The following BMP6 variants were observed in gnomAD, a reference collection of about 807,000 sequenced individuals.
The protein encoded by BMP6 is bone morphogenetic protein 6.
Under a neutral mutation model 54.1 loss-of-function variants are expected in BMP6, and 17 were observed. The observed-to-expected ratio is 0.31, with a 90% CI of 0.22 to 0.47. The LOEUF (loss-of-function observed/expected upper bound fraction) is 0.47. Ranked by LOEUF, BMP6 falls within the 20% of genes least tolerant of loss-of-function variation. BMP6 has a pLI of 1.00. For synonymous variants in BMP6, 328 were observed against 291.2 expected, an observed-to-expected ratio of 1.13 and a Z score of -1.28; for missense variants, 720 against 690.4, an observed-to-expected ratio of 1.04 and a Z score of -0.48.
intron 1 of BMP6, among the ~76,000 whole-genome samples, chr6:7,832,392 G>A (rs1490602445): frequency 6.6e-6 from 1 of 152,098 alleles, no homozygotes; most frequent in East Asian, 1.9e-4. Flanking sequence ...CTGCCTCACT[G>A]CTTCCACCAT....
intron 1 of BMP6, among the ~76,000 whole-genome samples, chr6:7,822,449 C>T (rs1215367408): frequency 6.6e-6 from 1 of 152,148 alleles, no homozygotes; most frequent in Non-Finnish European, 1.5e-5. Context: ...TCTTCTTTCC[C>T]CTCTTCCCTC....
chr6:7,811,144 G>T lies in BMP6; in HGVS notation c.665-33996G>T, dbSNP rs563995742. 9.8e-5 allele frequency among the ~76,000 whole-genome samples: 15 copies of T among 152,328 alleles called. No individual in the cohort carries two copies. In the East Asian group the frequency reaches 2.7e-3, roughly 27 times the overall value. On this transcript the variant is annotated intron_variant, in intron 1 of 6. Transcript: ENST00000283147. ...AGGCTCATACTCAAGGGCATCAAAG[G>T]CCAGTGTGTAAATTGGGGCTATTCT...
At chr6:7,878,259 G>C (rs1759652863) in intron 4 of BMP6, among the ~76,000 whole-genome samples, 1 of 152,180 alleles carries the variant, frequency 6.6e-6, no homozygotes, top group Non-Finnish European at 1.5e-5. Context: ...CTGAGTTCTT[G>C]GAGGGAGGAA....
intron 1 of BMP6, among the ~76,000 whole-genome samples, chr6:7,813,351 A>T (rs1758468818): frequency 7.1e-6 from 1 of 141,082 alleles, no homozygotes; most frequent in Non-Finnish European, 1.5e-5. Context: ...GCCAGATATG[A>T]TGGCGTATAC....
intron 1 of BMP6, among the ~76,000 whole-genome samples, chr6:7,842,607 C>T (rs933730338): frequency 1.3e-5 from 2 of 152,198 alleles, no homozygotes; most frequent in South Asian, 2.1e-4. Flanking sequence ...TGAAGACTTT[C>T]GTTCTGTTGG....
At chr6:7,727,937 C>T (rs1761775897) in intron 1 of BMP6, among the ~76,000 whole-genome samples, 1 of 146,646 alleles carries the variant, frequency 6.8e-6, no homozygotes, top group East Asian at 2.0e-4. Flanking sequence ...CGCTTTTTTT[C>T]ACTTCTGCCC....
chr6:7,760,434 T>C (rs1161436751), intron 1 of BMP6, among the ~76,000 whole-genome samples: 3 of 152,126 alleles, frequency 2.0e-5, no homozygotes, highest in Non-Finnish European at 4.4e-5. Flanking sequence ...GCAAGTAGTT[T>C]AGCTCTCTTG....
In BMP6 at chr6:7,856,120, T is replaced by TAAAAAAAAAAA. The variant is rs56264814; in HGVS notation, c.858-5317_858-5307dup. Among the ~76,000 whole-genome samples the TAAAAAAAAAAA allele has an allele frequency of 6.0e-5, 5 of 83,656 alleles. 1 individual carries two copies. The highest frequency in any genetic ancestry group is 3.5e-4 in the Admixed American group (2 of 5,678). The allele number at this position is 83,656 out of a possible 152,430, so 54.9% of individuals were successfully genotyped here. On this transcript the variant is annotated intron_variant, in intron 2 of 6. Transcript: ENST00000283147. ...GAAAATTGAGTAATATCAAAGACTGTAAAAAAAAAAAAAAAAAAAAAAAAT... is the reference window on the plus strand; with the variant it reads ...GAAAATTGAGTAATATCAAAGACTGTAAAAAAAAAAAAAAAAAAAAAAAAAAAAAAAAAAAT...
rs752215261 is a variant in BMP6 at position 7,880,245 on chromosome 6, A to G, written c.1444A>G (p.Lys482Glu). 1.2e-6 allele frequency: 2 copies of G among 1,614,122 alleles called. No individual in the cohort carries two copies. The highest frequency in any genetic ancestry group is 1.1e-5 in the South Asian group (1 of 91,066). Residue 482 changes from lysine to glutamate, a missense_variant, in exon 7 of 7, where the codon AAG becomes GAG. Lys to Glu is a moderately conservative substitution (Grantham distance 56). Around this residue, in one of 3 missense-constraint regions of BMP6, gnomAD observed 43 missense variants for 54.0 expected, o/e 0.80. Transcript: ENST00000283147. Reference sequence around the variant, plus strand: ...CCCCAAACCGTGCTGTGCGCCAACTAAGCTAAATGCCATCTCGGTTCTTTA... The same window carrying G: ...CCCCAAACCGTGCTGTGCGCCAACTGAGCTAAATGCCATCTCGGTTCTTTA... ...YVPKPCCAPT[K>E]LNAISVLYFD...
chr6:7,791,807 A>G (rs1425855756), intron 1 of BMP6, among the ~76,000 whole-genome samples: 1 of 152,160 alleles, frequency 6.6e-6, no homozygotes, highest in African/African-American at 2.4e-5. Context: ...CTGTTGTCTT[A>G]TCCCCAGTTT....
chr6:7,877,688 G>T (rs183968128), intron 4 of BMP6, among the ~76,000 whole-genome samples: 344 of 152,214 alleles, frequency 2.3e-3, no homozygotes, highest in African/African-American at 7.8e-3. Flanking sequence ...AGGAAGACTG[G>T]GAGTTAGAAG....
chr6:7,845,432 A>G, intron 2 of BMP6, 100 bp downstream of exon 2: 1 of 1,134,516 alleles, frequency 8.8e-7, no homozygotes, highest in Non-Finnish European at 1.2e-6. Context: ...GGTGACCTGG[A>G]GTTCAGGGGC....
chr6:7,798,926 A>C (rs956058087), intron 1 of BMP6, among the ~76,000 whole-genome samples: 20 of 152,220 alleles, frequency 1.3e-4, no homozygotes, highest in Non-Finnish European at 2.8e-4. Context: ...CGTGGTCACC[A>C]GTGGGCCTTC....
intron 1 of BMP6, among the ~76,000 whole-genome samples, chr6:7,822,452 C>A (rs762865628): frequency 2.6e-5 from 4 of 152,210 alleles, no homozygotes; most frequent in Non-Finnish European, 5.9e-5. Flanking sequence ...TCTTTCCCCT[C>A]TTCCCTCCTC....
chr6:7,845,431 G>A, intron 2 of BMP6, 99 bp downstream of exon 2: 1 of 1,133,308 alleles, frequency 8.8e-7, no homozygotes, highest in South Asian at 1.9e-5. Flanking sequence ...GGGTGACCTG[G>A]AGTTCAGGGG....
intron 2 of BMP6, 98 bp downstream of exon 2, chr6:7,845,430 G>A: frequency 8.8e-7 from 1 of 1,131,620 alleles, no homozygotes; most frequent in East Asian, 2.7e-5. Context: ...AGGGTGACCT[G>A]GAGTTCAGGG....
chr6:7,790,266 A>G (rs1259175901), intron 1 of BMP6, among the ~76,000 whole-genome samples: 1 of 152,088 alleles, frequency 6.6e-6, no homozygotes, highest in African/African-American at 2.4e-5. Context: ...CGTAACCCTC[A>G]CACTTTGGGA....
intron 1 of BMP6, among the ~76,000 whole-genome samples, chr6:7,841,999 C>T (rs1561788972): frequency 6.6e-6 from 1 of 152,118 alleles, no homozygotes; most frequent in Non-Finnish European, 1.5e-5. Flanking sequence ...CATATGGGCT[C>T]CCAGCATTGC....
At chr6:7,834,185 C>CTT (rs34020369) in intron 1 of BMP6, among the ~76,000 whole-genome samples, 4 of 107,614 alleles carry the variant, frequency 3.7e-5, no homozygotes, top group Non-Finnish European at 5.7e-5. Context: ...AGAACAAATG[C>CTT]TTTTTTTTTT....
Sources: allele counts gnomAD v4.1 joint callset (sites outside exome capture counted in the v4.1 genomes callset), GRCh38; gene constraint gnomAD v4.1.1; regional missense constraint gnomAD v4.1.1; transcripts MANE v1.5; gene names NCBI Gene and HGNC (gene_info 2026-07-23, HGNC 2026-07-21).